The following DOCK9 variants were observed in gnomAD, a reference collection of about 807,000 sequenced individuals.
The protein encoded by DOCK9 is dedicator of cytokinesis 9, also known as dedicator of cytokinesis protein 9.
DOCK9 carries 89 observed loss-of-function variants against 263.3 expected under a neutral mutation model. That is an observed-to-expected ratio of 0.34 (90% confidence interval 0.28 to 0.40). DOCK9 has a LOEUF of 0.40. DOCK9 is among the 10% of genes least tolerant of loss of function. DOCK9 has a pLI of 1.00. For synonymous variants in DOCK9, 976 were observed against 973.1 expected (o/e 1.00, Z -0.06); for missense variants, 2,140 against 2,603.4 (o/e 0.82, Z 3.87).
At position 98,888,531 on chromosome 13, in the gene DOCK9, T is replaced by C. The variant is rs2046147258; in HGVS notation, c.1806A>G (p.Ser602=). ...TTTCAAATTGTTTTGTGGGAATGTA[T>C]GATGAATTAACATAATCTGCAAAGA... is the stretch of plus-strand genomic sequence containing the variant. The part of the protein sequence containing the change: ...SSDFPNYVNS[S]YIPTKQFETC... The change falls in exon 17 of 53, where the codon TCA becomes TCG. Residue 602 remains serine (S), a synonymous_variant. Transcript: ENST00000682017. 1 of 1,613,940 alleles carries C rather than the reference T, an allele frequency of 6.2e-7. No homozygotes were observed. The highest frequency in any genetic ancestry group is 1.3e-5 in the African/African-American group (1 of 75,054).
upstream of DOCK9, among the ~76,000 whole-genome samples, chr13:98,979,267 C>A (rs1293971685): frequency 6.7e-6 from 1 of 148,466 alleles, no homozygotes; most frequent in Non-Finnish European, 1.5e-5. Context: ...AGTATTCAGT[C>A]AGTCAACAAC....
At chr13:99,017,271 C>G (rs566385584) in intron 1 of DOCK9, among the ~76,000 whole-genome samples, 4 of 152,310 alleles carry the variant, frequency 2.6e-5, no homozygotes, top group African/African-American at 9.6e-5. Context: ...ACTAGAAACT[C>G]ACCTACCCAG....
At chr13:98,875,898 T>A (rs531415556) in intron 27 of DOCK9, among the ~76,000 whole-genome samples, 61 of 152,282 alleles carry the variant, frequency 4.0e-4, no homozygotes, top group Non-Finnish European at 7.2e-4. Flanking sequence ...ATGTACAGTT[T>A]GGTTGGCTGG....
At chr13:98,885,117 A>T (rs774577332) in intron 20 of DOCK9, 25 bp from the exon 21 acceptor site, 1 of 1,612,522 alleles carries the variant, frequency 6.2e-7, no homozygotes, top group Admixed American at 1.7e-5. Context: ...GAACAACAAC[A>T]ACAACAGAAC....
chr13:98,914,728 C>A (rs1353325600), intron 8 of DOCK9, among the ~76,000 whole-genome samples: 1 of 152,150 alleles, frequency 6.6e-6, no homozygotes, highest in Non-Finnish European at 1.5e-5. Context: ...AAATCAGAAT[C>A]TTTTGTGGGA....
chr13:99,080,140 T>C (rs2042070386), intron 1 of DOCK9, among the ~76,000 whole-genome samples: 1 of 152,250 alleles, frequency 6.6e-6, no homozygotes, highest in East Asian at 1.9e-4. Flanking sequence ...CTCTTATATT[T>C]CACTATAATT....
At chr13:99,058,734 G>T (rs2041045060) in intron 1 of DOCK9, among the ~76,000 whole-genome samples, 1 of 152,084 alleles carries the variant, frequency 6.6e-6, no homozygotes, top group African/African-American at 2.4e-5. Context: ...AGGCAGGCTG[G>T]GTCATGCTGC....
At chr13:98,823,030 C>G (rs2092361673) in intron 45 of DOCK9, among the ~76,000 whole-genome samples, 1 of 150,734 alleles carries the variant, frequency 6.6e-6, no homozygotes, top group Admixed American at 6.6e-5. Context: ...GATATGAAAA[C>G]TGAAACAAAA....
intron 49 of DOCK9, among the ~76,000 whole-genome samples, chr13:98,801,488 A>T (rs2090099759): frequency 6.6e-6 from 1 of 152,172 alleles, no homozygotes; most frequent in Non-Finnish European, 1.5e-5. Flanking sequence ...TAACCAAAAA[A>T]ATCTGATTAA....
At chr13:98,995,439 A>G (rs1394470316) in intron 1 of DOCK9, among the ~76,000 whole-genome samples, 1 of 151,152 alleles carries the variant, frequency 6.6e-6, no homozygotes, top group African/African-American at 2.4e-5. Context: ...AAAGTAGAGG[A>G]TGCGTAACTA....
At chr13:98,823,185 TGTC>T (rs1174118720) in intron 45 of DOCK9, among the ~76,000 whole-genome samples, 2 of 151,760 alleles carry the variant, frequency 1.3e-5, no homozygotes, top group Non-Finnish European at 2.9e-5. Context: ...CTCTCTTTAC[TGTC>T]TGATTTTGCA....
upstream of DOCK9, among the ~76,000 whole-genome samples, chr13:98,981,510 C>G (rs539511777): frequency 7.9e-5 from 12 of 152,262 alleles, no homozygotes; most frequent in African/African-American, 2.6e-4. Context: ...GAGCAATATA[C>G]TGAAATCCAA....
In DOCK9 at chr13:98,968,597, G is replaced by T. The variant is rs141587174; in HGVS notation, c.126+9187C>A. On this transcript the variant is annotated intron_variant, in intron 1 of 52. Coordinates refer to ENST00000682017, the MANE Select transcript of DOCK9 (RefSeq NM_001366683.2). Reference sequence around the variant, plus strand: ...ATCACTCCACTGCACTGCAGCCTGGGTGACAGAGCAAGACTCTGTCTCAAA... The same window carrying T: ...ATCACTCCACTGCACTGCAGCCTGGTTGACAGAGCAAGACTCTGTCTCAAA... Among the ~76,000 whole-genome samples the T allele has an allele frequency of 1.3e-4, 20 of 152,312 alleles. No individual in the cohort carries two copies. The East Asian group carries it at 3.7e-3, about 28-fold the overall frequency.
intron 1 of DOCK9, among the ~76,000 whole-genome samples, 168 bp downstream of exon 1, chr13:98,977,616 T>C (rs1265300548): frequency 6.6e-6 from 1 of 152,124 alleles, no homozygotes. Context: ...CAAAGAAGAA[T>C]CAAAGGGGAA....
Position 98,829,651 on chromosome 13 carries a change from G to T in DOCK9, c.4741C>A (p.Leu1581Ile), listed in dbSNP as rs1297344454. The change falls in exon 42 of 53, where the codon CTT (leucine) becomes ATT (isoleucine). Residue 1581 changes from leucine to isoleucine, a missense_variant. Leu to Ile is a conservative substitution (Grantham distance 5, BLOSUM62 2). Around this residue, in one of 2 missense-constraint regions of DOCK9, gnomAD observed 619 missense variants for 861.8 expected, o/e 0.72. Coordinates refer to ENST00000682017, the MANE Select transcript of DOCK9 (RefSeq NM_001366683.2). The surrounding 1 kb of genome is among the most constrained non-coding windows in gnomAD (Gnocchi z 4.1). Reference sequence around the variant, plus strand: ...TGGGCCAGGCTACCCACCTTAATAAGCCGGTCACTGTTGGCACAGTTGTTG... The same window carrying T: ...TGGGCCAGGCTACCCACCTTAATAATCCGGTCACTGTTGGCACAGTTGTTG... Reference protein sequence around the residue: ...IINNCANSDRLIKHTSFSSDV... With the variant: ...IINNCANSDRIIKHTSFSSDV... 1 of 1,603,040 alleles carries T rather than the reference G, an allele frequency of 6.2e-7. No homozygotes were observed. Among genetic ancestry groups the T allele is most frequent in the Admixed American group, 1.7e-5 (1 of 58,576 alleles).
chr13:98,866,442 T>C (rs2094026497), intron 30 of DOCK9, among the ~76,000 whole-genome samples: 3 of 152,190 alleles, frequency 2.0e-5, no homozygotes, highest in African/African-American at 7.2e-5. Flanking sequence ...TGTGTTTCTC[T>C]CGGAATTCAG....
chr13:99,006,516 C>G (rs138250714), intron 1 of DOCK9, among the ~76,000 whole-genome samples: 108 of 152,290 alleles, frequency 7.1e-4, no homozygotes, highest in African/African-American at 2.3e-3. Flanking sequence ...TATGTTAAAT[C>G]ATGTTTTAGC....
chr13:98,819,995 G>A (rs1479534933), intron 45 of DOCK9, among the ~76,000 whole-genome samples: 3 of 152,218 alleles, frequency 2.0e-5, no homozygotes, highest in Non-Finnish European at 2.9e-5. Context: ...TAAAACAACA[G>A]TTTTGTGTGC....
intron 1 of DOCK9, among the ~76,000 whole-genome samples, chr13:99,072,074 G>T (rs930555681): frequency 6.6e-6 from 1 of 152,112 alleles, no homozygotes; most frequent in African/African-American, 2.4e-5. Flanking sequence ...CTCTTTCACG[G>T]TTTCCTTGAT....
Sources: gnomAD v4.1 joint callset for allele counts (sites outside exome capture counted in the v4.1 genomes callset) on GRCh38, gnomAD v4.1.1 for gene constraint, gnomAD v4.1.1 regional missense constraint, Gnocchi (gnomAD v3.1) non-coding constraint, MANE v1.5 for transcripts, NCBI Gene and HGNC (gene_info 2026-07-23, HGNC 2026-07-21) for gene names.